DIAPH2: variants seen among roughly 807,000 people sequenced by gnomAD.
DIAPH2 encodes the protein diaphanous related formin 2, also known as protein diaphanous homolog 2.
A neutral mutation model predicts 92.7 loss-of-function variants in DIAPH2; 35 were observed. The ratio of observed to expected loss-of-function variants is 0.38; its 90% CI spans 0.29 to 0.50. The LOEUF (loss-of-function observed/expected upper bound fraction) is 0.50, where lower values mean the gene tolerates loss of function less well. Among genes scored for constraint, DIAPH2 ranks in the 20% least tolerant of loss-of-function variants. The probability of loss-of-function intolerance (pLI) is 0.94; values close to 1 mark genes in which losing one functional copy is unlikely to be tolerated. For missense variants in DIAPH2, 701 were observed against 819.5 expected, an observed-to-expected ratio of 0.86 and a Z score of 1.77; for synonymous variants, 301 against 280.4, an observed-to-expected ratio of 1.07 and a Z score of -0.73.
intron 23 of DIAPH2, among the ~76,000 whole-genome samples, chrX:97,330,555 C>T (rs753268379): frequency 9.2e-6 from 1 of 108,405 alleles, no homozygotes; most frequent in Non-Finnish European, 1.9e-5. Context: ...CTCTGTCACC[C>T]AGGCTGGAGT....
chrX:96,929,976 A>C (rs2065609037), intron 9 of DIAPH2, among the ~76,000 whole-genome samples: 1 of 110,695 alleles, frequency 9.0e-6, no homozygotes, highest in South Asian at 3.7e-4. Flanking sequence ...AATTACCAGC[A>C]AATAAGTTCC....
intron 22 of DIAPH2, among the ~76,000 whole-genome samples, chrX:97,143,268 A>C (rs769481930): frequency 6.8e-4 from 75 of 110,982 alleles, no homozygotes; most frequent in African/African-American, 2.4e-3. Context: ...CATTTTAAAC[A>C]TTTGTGTTGT....
intron 17 of DIAPH2, among the ~76,000 whole-genome samples, chrX:97,026,166 A>G (rs984797978): frequency 8.9e-5 from 10 of 112,246 alleles, no homozygotes; most frequent in African/African-American, 3.2e-4. Flanking sequence ...GAAAGTAGAA[A>G]CTTCACTTTA....
chrX:97,145,403 A>G (rs1274001853), intron 22 of DIAPH2, among the ~76,000 whole-genome samples: 7 of 109,312 alleles, frequency 6.4e-5, no homozygotes, highest in African/African-American at 2.3e-4. Context: ...AACAATCATA[A>G]AATATCTTAT....
intron 23 of DIAPH2, among the ~76,000 whole-genome samples, chrX:97,284,224 G>A (rs2068521688): frequency 8.9e-6 from 1 of 111,814 alleles, no homozygotes; most frequent in African/African-American, 3.3e-5. Context: ...TATTAGCACA[G>A]CATCTTGCCC....
chrX:97,533,438 T>C (rs2071074468), intron 26 of DIAPH2: 1 of 111,370 alleles, frequency 9.0e-6, no homozygotes, highest in Admixed American at 9.6e-5. Context: ...CACTGTTAAA[T>C]ATGAAGAAAA....
intron 4 of DIAPH2, among the ~76,000 whole-genome samples, chrX:96,793,251 C>A (rs914954747): frequency 8.9e-6 from 1 of 112,286 alleles, no homozygotes; most frequent in African/African-American, 3.2e-5. Flanking sequence ...TCCTCTGTCT[C>A]CCGGGTTCAA....
rs145123142 is a variant in DIAPH2 at position 96,848,992 on chromosome X, A to G, written c.448-32587A>G. ...ACCTTAGCTTCTTCATTAAATGACAACAAAACTGTCATTTGCTGATTTTTG... is the reference window on the plus strand; with the variant it reads ...ACCTTAGCTTCTTCATTAAATGACAGCAAAACTGTCATTTGCTGATTTTTG... On this transcript the variant is annotated intron_variant, in intron 4 of 26. Coordinates refer to ENST00000324765, the MANE Select transcript of DIAPH2 (RefSeq NM_006729.5). 1.6e-4 allele frequency among the ~76,000 whole-genome samples: 18 copies of G among 111,884 alleles called. No individual in the cohort carries two copies. The East Asian group carries it at 5.1e-3, about 31-fold the overall frequency.
intron 1 of DIAPH2, among the ~76,000 whole-genome samples, chrX:96,693,902 G>A (rs1478537858): frequency 1.8e-5 from 2 of 111,682 alleles, no homozygotes; most frequent in Admixed American, 9.5e-5. Flanking sequence ...GTGCATGATG[G>A]GAGACGCCTG....
chrX:97,219,518 G>A (rs2067908315), intron 22 of DIAPH2, among the ~76,000 whole-genome samples: 1 of 111,683 alleles, frequency 9.0e-6, no homozygotes, highest in Admixed American at 9.5e-5. Context: ...AAGGAAAATT[G>A]TACCTATATC....
chrX:96,807,944 CAAAAAAAAAAAAAAAAAAAAAAAA>C (rs541681495), intron 4 of DIAPH2, among the ~76,000 whole-genome samples: 12 of 14,487 alleles, frequency 8.3e-4, no homozygotes, highest in Admixed American at 2.7e-3. Context: ...GTAGAAATAG[CAAAAAAAAAAAAAAAAAAAAAAAA>C]AAAAAAAAAA....
Position 97,600,565 on chromosome X carries a change from C to T in DIAPH2, c.*1248C>T, listed in dbSNP as rs1422815781. ...AGTCTAGCAGGGAAAACAGGTTCTA[C>T]ATTTTTCTTAAATAAATTAGGGAGT... is the stretch of plus-strand genomic sequence containing the variant. On this transcript the variant is annotated 3_prime_UTR_variant, in exon 27 of 27. Transcript: ENST00000324765. 1 of 112,303 alleles carries T rather than the reference C, an allele frequency of 8.9e-6. No homozygotes were observed. The highest frequency in any genetic ancestry group is 1.9e-5 in the Non-Finnish European group (1 of 53,152). 9.3% of individuals were successfully genotyped at this position (112,303 alleles called of 1,213,427 possible).
chrX:97,058,842 C>T (rs983215949), intron 17 of DIAPH2, among the ~76,000 whole-genome samples: 18 of 111,602 alleles, frequency 1.6e-4, no homozygotes, highest in African/African-American at 4.9e-4. Context: ...TAAAGTTGTA[C>T]CGTGAATGTT....
intron 23 of DIAPH2, among the ~76,000 whole-genome samples, chrX:97,335,838 A>G (rs2069053226): frequency 9.0e-6 from 1 of 111,470 alleles, no homozygotes; most frequent in Non-Finnish European, 1.9e-5. Context: ...ACCTTAAGCA[A>G]AGGAAATCTG....
chrX:96,790,307 G>A lies in DIAPH2; in HGVS notation c.447+32049G>A, dbSNP rs2064490739. On this transcript the variant is annotated intron_variant, in intron 4 of 26. Coordinates refer to ENST00000324765, the MANE Select transcript of DIAPH2 (RefSeq NM_006729.5). Reference sequence around the variant, plus strand: ...GCTGGTCTCAAACTCCCAACCTCAGGTGATCCGCCTGCCTCGGCCTCCCAA... The same window carrying A: ...GCTGGTCTCAAACTCCCAACCTCAGATGATCCGCCTGCCTCGGCCTCCCAA... Among the ~76,000 whole-genome samples, 4 of 110,788 alleles carry A rather than the reference G, an allele frequency of 3.6e-5. No individual in the cohort carries two copies. The Admixed American group carries it at 3.8e-4, about 11-fold the overall frequency.
At chrX:97,018,575 C>T (rs764252829) in intron 17 of DIAPH2, among the ~76,000 whole-genome samples, 15 of 111,919 alleles carry the variant, frequency 1.3e-4, no homozygotes, top group South Asian at 1.1e-3. Context: ...TAGCCATTCA[C>T]GAATGACTAG....
intron 23 of DIAPH2, among the ~76,000 whole-genome samples, chrX:97,291,776 G>A (rs189040117): frequency 0.01 from 1,118 of 111,084 alleles, 12 homozygotes; most frequent in African/African-American, 0.034. Context: ...GACCTCAGGT[G>A]ATTCCCCCAC....
At chrX:97,194,696 A>G (rs1279845604) in intron 22 of DIAPH2, among the ~76,000 whole-genome samples, 1 of 112,196 alleles carries the variant, frequency 8.9e-6, no homozygotes, top group East Asian at 2.8e-4. Context: ...GTATTGTTAT[A>G]GAGTTTAAGC....
intron 1 of DIAPH2, among the ~76,000 whole-genome samples, chrX:96,725,078 C>T (rs887755743): frequency 2.7e-5 from 3 of 111,951 alleles, no homozygotes; most frequent in African/African-American, 9.7e-5. Flanking sequence ...AATTTGAGAT[C>T]TATCAGCATA....
Sources: gnomAD v4.1 joint callset for allele counts (sites outside exome capture counted in the v4.1 genomes callset) on GRCh38, gnomAD v4.1.1 for gene constraint, MANE v1.5 for transcripts, NCBI Gene and HGNC (gene_info 2026-07-23, HGNC 2026-07-21) for gene names.